Variants in EXTL2 observed in about 807,000 individuals in gnomAD.
EXTL2 encodes the protein exostosin like glycosyltransferase 2.
EXTL2 carries 23 observed loss-of-function variants against 30.7 expected under a neutral mutation model. The ratio of observed to expected loss-of-function variants is 0.75; its 90% CI spans 0.54 to 1.06. The LOEUF (loss-of-function observed/expected upper bound fraction) is 1.06, where lower values mean the gene tolerates loss of function less well. Ranked by LOEUF, EXTL2 falls within the 50% of genes least tolerant of loss-of-function variation. The pLI is 0.00. For missense variants in EXTL2, 352 were observed against 396.3 expected, an observed-to-expected ratio of 0.89 and a Z score of 0.95; for synonymous variants, 123 against 133.8, an observed-to-expected ratio of 0.92 and a Z score of 0.56.
At chr1:100,881,008 C>T (rs1649512268) in intron 2 of EXTL2, 1 of 984,118 alleles carries the variant, frequency 1.0e-6, no homozygotes, top group Non-Finnish European at 1.2e-6. Flanking sequence ...CTGTATCCAT[C>T]ACAGACATTT....
At chr1:100,889,060 G>T (rs1031736243) in intron 1 of EXTL2, among the ~76,000 whole-genome samples, 5 of 152,134 alleles carry the variant, frequency 3.3e-5, no homozygotes, top group Non-Finnish European at 5.9e-5. Flanking sequence ...TTCTATTGAG[G>T]GTTGTATTAG....
At chr1:100,894,297 G>A (rs1417810366) in intron 1 of EXTL2, among the ~76,000 whole-genome samples, 1 of 151,854 alleles carries the variant, frequency 6.6e-6, no homozygotes, top group African/African-American at 2.4e-5. Flanking sequence ...AAAATTCAAG[G>A]TCTACTGCTA....
Position 100,873,838 on chromosome 1 carries a change from T to C in EXTL2, c.*104A>G. On this transcript the variant is annotated 3_prime_UTR_variant, in exon 5 of 5. Coordinates refer to ENST00000370114, the MANE Select transcript of EXTL2 (RefSeq NM_001033025.3). ...CACTTTTTTTTCTATTGTAGAGACTTCTGGAGTAGATAAAATTCATGATGT... is the reference window on the plus strand; with the variant it reads ...CACTTTTTTTTCTATTGTAGAGACTCCTGGAGTAGATAAAATTCATGATGT... The C allele has an allele frequency of 1.7e-6, 2 of 1,201,672 alleles. No individual in the cohort carries two copies. Among genetic ancestry groups the C allele is most frequent in the South Asian group, 3.2e-5 (2 of 62,562 alleles). The allele number at this position is 1,201,672 out of a possible 1,614,324, so 74.4% of individuals were successfully genotyped here.
In EXTL2 at chr1:100,894,834, T is replaced by C. The variant is rs1650755168; in HGVS notation, c.-273A>G. On this transcript the variant is annotated 5_prime_UTR_variant, in exon 1 of 5. Transcript: ENST00000370114. Reference sequence around the variant, plus strand: ...AGTGAGCGCCTGGAGCAAGGGACAGTCCCCGAGTGGCCGCCCCTCCCTTTC... The same window carrying C: ...AGTGAGCGCCTGGAGCAAGGGACAGCCCCCGAGTGGCCGCCCCTCCCTTTC... 1.3e-5 allele frequency: 2 copies of C among 152,204 alleles called. No individual in the cohort carries two copies. The highest frequency in any genetic ancestry group is 2.9e-5 in the Non-Finnish European group (2 of 68,064). 9.4% of individuals were successfully genotyped at this position (152,204 alleles called of 1,614,324 possible). A position where few individuals can be genotyped will look rare whatever the true frequency, so the allele number is the denominator to read the frequency against.
At chr1:100,875,129 C>G (rs961468291) in intron 4 of EXTL2, among the ~76,000 whole-genome samples, 4 of 151,760 alleles carry the variant, frequency 2.6e-5, no homozygotes, top group Non-Finnish European at 5.9e-5. Flanking sequence ...AAGAAAAACA[C>G]TGAAGCATGG....
At position 100,888,777 on chromosome 1, in the gene EXTL2, TA is replaced by T; in HGVS notation, c.-21del. ...CCTCATTGTGTTGAAGTTTAATTTT[TA>T]AAAAATCTCCTTATAGCTTCAGTAA... On this transcript the variant is annotated 5_prime_UTR_variant, in exon 2 of 5. Coordinates refer to ENST00000370114, the MANE Select transcript of EXTL2 (RefSeq NM_001033025.3). 1 of 1,564,252 alleles carries T rather than the reference TA, an allele frequency of 6.4e-7. No homozygotes were observed. Among genetic ancestry groups the T allele is most frequent in the Non-Finnish European group, 8.7e-7 (1 of 1,144,166 alleles).
chr1:100,893,244 T>G (rs906168031), intron 1 of EXTL2, among the ~76,000 whole-genome samples: 1 of 152,246 alleles, frequency 6.6e-6, no homozygotes, highest in Admixed American at 6.5e-5. Flanking sequence ...AATTAAGAAT[T>G]CTGATTGGTG....
At chr1:100,894,375 A>G (rs1650692377) in intron 1 of EXTL2, among the ~76,000 whole-genome samples, 1 of 152,224 alleles carries the variant, frequency 6.6e-6, no homozygotes, top group African/African-American at 2.4e-5. Context: ...ACTTAAATTA[A>G]AAGAATGAAA....
chr1:100,892,410 G>A (rs147035078), intron 1 of EXTL2, among the ~76,000 whole-genome samples: 1 of 152,272 alleles, frequency 6.6e-6, no homozygotes, highest in Non-Finnish European at 1.5e-5. Flanking sequence ...TTACACCAGT[G>A]GTTTGTCAGG....
intron 2 of EXTL2, among the ~76,000 whole-genome samples, chr1:100,884,610 C>T (rs146661287): frequency 4.4e-4 from 67 of 152,296 alleles, no homozygotes; most frequent in African/African-American, 1.5e-3. Flanking sequence ...TACAGTGAGC[C>T]GATCCACGAC....
intron 1 of EXTL2, among the ~76,000 whole-genome samples, chr1:100,892,626 C>A (rs1227316644): frequency 6.6e-6 from 1 of 152,222 alleles, no homozygotes; most frequent in African/African-American, 2.4e-5. Context: ...CCAGAACTAT[C>A]CTAGTTCTGT....
In EXTL2 at chr1:100,874,145, C is replaced by T. The variant is rs1209264814; in HGVS notation, c.790G>A (p.Val264Met). The T allele has an allele frequency of 5.0e-6, 8 of 1,613,014 alleles. No individual in the cohort carries two copies. The highest frequency in any genetic ancestry group is 6.8e-6 in the Non-Finnish European group (8 of 1,179,492). Residue 264 changes from valine (V) to methionine (M), a missense_variant, in exon 5 of 5, where the codon GTG (valine) becomes ATG (methionine). Transcript: ENST00000370114. ...KHIGKTSGIF[V>M]KPVNMDNLEK... is the part of the protein sequence containing the mutation. ...AAATTGTCCATGTTTACAGGCTTCA[C>T]AAATATCCCTGAAGTCTTGCCAATA...
chr1:100,894,097 G>T (rs1650646019), intron 1 of EXTL2, among the ~76,000 whole-genome samples: 2 of 152,172 alleles, frequency 1.3e-5, no homozygotes. Context: ...AGCTGACCTT[G>T]ATGAGTTAGG....
At chr1:100,879,254 CA>C (rs1411488954) in intron 2 of EXTL2, among the ~76,000 whole-genome samples, 1 of 152,044 alleles carries the variant, frequency 6.6e-6, no homozygotes, top group African/African-American at 2.4e-5. Context: ...CTTCTGATTC[CA>C]GGCTACTTAC....
Position 100,872,817 on chromosome 1 carries a change from T to C in EXTL2, c.*1125A>G, listed in dbSNP as rs117273279. ...CAGACAATGGGTGAAACACAGACGC[T>C]AATTCACATAACAGAGAGTAGGCAA... On this transcript the variant is annotated 3_prime_UTR_variant, in exon 5 of 5. Coordinates refer to ENST00000370114, the MANE Select transcript of EXTL2 (RefSeq NM_001033025.3). 8 of 152,200 alleles carry C rather than the reference T, an allele frequency of 5.3e-5. No individual in the cohort carries two copies. The East Asian group carries it at 1.4e-3, about 26-fold the overall frequency. 9.4% of individuals were successfully genotyped at this position (152,200 alleles called of 1,614,324 possible). A position where few individuals can be genotyped will look rare whatever the true frequency, so the allele number is the denominator to read the frequency against.
chr1:100,877,732 G>A lies in EXTL2; in HGVS notation c.177C>T (p.Gly59=). Residue 59 remains glycine, a synonymous_variant, in exon 3 of 5, where the codon GGC becomes GGT. Transcript: ENST00000370114. The surrounding 1 kb of genome is among the most constrained non-coding windows in gnomAD (Gnocchi z 4.1). ...GAGTAAAGGAGTCCATGGTGGACTT[G>A]CCCTGGGATTTTATTTCCCTACGCA... ...LMLRREIKSQ[G]KSTMDSFTLI... is the part of the protein sequence containing the mutation. The A allele has an allele frequency of 6.2e-7, 1 of 1,613,504 alleles. No individual in the cohort carries two copies. The highest frequency in any genetic ancestry group is 1.1e-5 in the South Asian group (1 of 91,074).
rs1302159846 is a variant in EXTL2 at position 100,872,549 on chromosome 1, A to G, written c.*1393T>C. ...ACAATCTGACTGCATTAAGACACAT[A>G]TACTCTTTAATGTAAAAAAAAAACC... On this transcript the variant is annotated 3_prime_UTR_variant, in exon 5 of 5. Coordinates refer to ENST00000370114, the MANE Select transcript of EXTL2 (RefSeq NM_001033025.3). 6.6e-6 allele frequency: 1 copy of G among 152,394 alleles called. No homozygotes were observed. Among genetic ancestry groups the G allele is most frequent in the East Asian group, 1.9e-4 (1 of 5,176 alleles). 9.4% of individuals were successfully genotyped at this position (152,394 alleles called of 1,614,324 possible).
Position 100,877,501 on chromosome 1 carries a change from C to T in EXTL2, c.408G>A (p.Gln136=), listed in dbSNP as rs1649217770. ...CATTGGTTTCCAGTTCAGGAAAGAC[C>T]TGGAGTCGATTTCTCATCCTGTTTG... is the stretch of plus-strand genomic sequence containing the variant. ...QTANRMRNRL[Q]VFPELETNAV... The change falls in exon 3 of 5, where the codon CAG becomes CAA. Residue 136 remains glutamine (Q), a synonymous_variant. Transcript: ENST00000370114. This position sits in a 1 kb window ranked among gnomAD's most constrained non-coding sequence, Gnocchi z 4.1. 3.7e-6 allele frequency: 6 copies of T among 1,605,650 alleles called. No individual in the cohort carries two copies. Among genetic ancestry groups the T allele is most frequent in the Non-Finnish European group, 3.4e-6 (4 of 1,175,804 alleles).
At chr1:100,885,006 A>G (rs936938149) in intron 2 of EXTL2, among the ~76,000 whole-genome samples, 1 of 152,210 alleles carries the variant, frequency 6.6e-6, no homozygotes, top group Non-Finnish European at 1.5e-5. Flanking sequence ...TAACAGAATA[A>G]ATGCAGATTA....
Sources: allele counts gnomAD v4.1 joint callset (sites outside exome capture counted in the v4.1 genomes callset), GRCh38; gene constraint gnomAD v4.1.1; non-coding constraint Gnocchi (gnomAD v3.1); transcripts MANE v1.5; gene names NCBI Gene and HGNC (gene_info 2026-07-23, HGNC 2026-07-21).